Variants in DCLK1 observed in about 807,000 individuals in gnomAD.
The protein encoded by DCLK1 is serine/threonine-protein kinase DCLK1.
DCLK1 carries 16 observed loss-of-function variants against 86.2 expected under a neutral mutation model. The observed-to-expected ratio is 0.19, with a 90% CI of 0.13 to 0.28. DCLK1 has a LOEUF of 0.28. Ranked by LOEUF, DCLK1 falls within the 10% of genes least tolerant of loss-of-function variation. DCLK1 has a pLI of 1.00. For synonymous variants in DCLK1, 369 were observed against 370.5 expected (o/e 1.00, Z 0.05); for missense variants, 590 against 940.2 (o/e 0.63, Z 4.87).
At chr13:36,022,679 G>A (rs529100292) in intron 3 of DCLK1, among the ~76,000 whole-genome samples, 10 of 152,128 alleles carry the variant, frequency 6.6e-5, no homozygotes, top group Admixed American at 3.3e-4. Context: ...CGAAATGCCC[G>A]AATTCCTAAA....
At chr13:35,994,130 A>G (rs1880372827) in intron 3 of DCLK1, among the ~76,000 whole-genome samples, 1 of 151,472 alleles carries the variant, frequency 6.6e-6, no homozygotes, top group South Asian at 2.1e-4. Context: ...AAAATCTAAC[A>G]TTTAGCAGGA....
chr13:36,036,386 C>G (rs1882495420), intron 3 of DCLK1, among the ~76,000 whole-genome samples: 2 of 152,330 alleles, frequency 1.3e-5, no homozygotes, highest in South Asian at 4.1e-4. Flanking sequence ...ACCTCGAATT[C>G]TTTCCTGGGC....
At chr13:35,942,667 G>A (rs547372406) in intron 4 of DCLK1, among the ~76,000 whole-genome samples, 1 of 152,344 alleles carries the variant, frequency 6.6e-6, no homozygotes, top group South Asian at 2.1e-4. Flanking sequence ...CTTTTGGACA[G>A]AGAAGATAAA....
chr13:35,998,896 G>C (rs1880589842), intron 3 of DCLK1, among the ~76,000 whole-genome samples: 1 of 152,082 alleles, frequency 6.6e-6, no homozygotes, highest in Admixed American at 6.6e-5. Context: ...CAAAATATAT[G>C]AGAATAAGAT....
chr13:35,875,598 G>C (rs947717642), intron 4 of DCLK1, among the ~76,000 whole-genome samples: 1 of 152,160 alleles, frequency 6.6e-6, no homozygotes, highest in Non-Finnish European at 1.5e-5. Context: ...TTAAGTTTTT[G>C]AAATATTGGA....
chr13:36,029,664 T>G (rs1882190014), intron 3 of DCLK1, among the ~76,000 whole-genome samples: 1 of 151,612 alleles, frequency 6.6e-6, no homozygotes, highest in Non-Finnish European at 1.5e-5. Context: ...CTCAAGAGAG[T>G]CCGATGGACT....
chr13:36,093,700 C>T (rs1173487173), intron 3 of DCLK1, among the ~76,000 whole-genome samples: 1 of 151,878 alleles, frequency 6.6e-6, no homozygotes, highest in Non-Finnish European at 1.5e-5. Flanking sequence ...CTTCACAGAA[C>T]TATTTAGCCT....
intron 3 of DCLK1, among the ~76,000 whole-genome samples, chr13:36,094,576 TA>T (rs1439424811): frequency 6.6e-6 from 1 of 152,204 alleles, no homozygotes; most frequent in African/African-American, 2.4e-5. Context: ...AATTCCTTTT[TA>T]AGGAAAAAGT....
intron 3 of DCLK1, among the ~76,000 whole-genome samples, chr13:35,978,611 A>G (rs1299101528): frequency 2.0e-5 from 3 of 152,304 alleles, no homozygotes; most frequent in East Asian, 3.9e-4. Context: ...AAAACTCAGA[A>G]ATCATACACA....
chr13:35,774,721 A>G (rs766698372), intron 16 of DCLK1, 22 bp from the exon 17 acceptor site: 1 of 1,606,556 alleles, frequency 6.2e-7, no homozygotes, highest in East Asian at 2.2e-5. Context: ...ATAAAATGAG[A>G]AAGAGGACAA....
intron 6 of DCLK1, chr13:35,850,838 C>T (rs1251614485): frequency 4.8e-6 from 7 of 1,465,828 alleles, no homozygotes; most frequent in African/African-American, 4.3e-5. Context: ...CTGTGGCTCT[C>T]GTGAGAGCAG....
chr13:35,887,878 CAAAAAAAAAAAAAAA>C (rs760195385), intron 4 of DCLK1, among the ~76,000 whole-genome samples: 20 of 38,742 alleles, frequency 5.2e-4, no homozygotes, highest in South Asian at 4.0e-3. Context: ...GATCTTGTCT[CAAAAAAAAAAAAAAA>C]AAAAAAAAAA....
intron 5 of DCLK1, among the ~76,000 whole-genome samples, chr13:35,856,176 TG>T (rs1376637588): frequency 3.3e-5 from 5 of 152,222 alleles, no homozygotes; most frequent in Non-Finnish European, 1.5e-5. Flanking sequence ...TATGAATTTT[TG>T]TTTGTTTGTT....
At chr13:36,042,931 A>T (rs562875716) in intron 3 of DCLK1, among the ~76,000 whole-genome samples, 121 of 152,358 alleles carry the variant, frequency 7.9e-4, no homozygotes, top group African/African-American at 2.8e-3. Flanking sequence ...ATTGAGAATT[A>T]TTCACTTTCT....
intron 3 of DCLK1, among the ~76,000 whole-genome samples, chr13:35,982,437 AGGGAGGGAGG>A (rs1566631755): frequency 1.5e-3 from 37 of 24,662 alleles, no homozygotes; most frequent in East Asian, 5.0e-3. Context: ...AGAGAGGGGG[AGGGAGGGAGG>A]GAGGGAGGGA....
At chr13:35,840,933 A>T (rs1200753102) in intron 6 of DCLK1, among the ~76,000 whole-genome samples, 3 of 152,186 alleles carry the variant, frequency 2.0e-5, no homozygotes, top group African/African-American at 7.2e-5. Context: ...AAACATAACC[A>T]CATTTGAGGG....
chr13:36,011,547 T>A (rs1394812476), intron 3 of DCLK1, among the ~76,000 whole-genome samples: 1 of 146,704 alleles, frequency 6.8e-6, no homozygotes, highest in African/African-American at 2.6e-5. Context: ...TTGAGTGAGA[T>A]TCTTAATCCT....
intron 3 of DCLK1, among the ~76,000 whole-genome samples, chr13:36,021,139 G>A (rs1250682938): frequency 1.3e-5 from 2 of 151,818 alleles, no homozygotes; most frequent in South Asian, 2.1e-4. Flanking sequence ...GAGCTATATT[G>A]GAGCAAAGTC....
chr13:35,791,402 CGT>C (rs1292315156), intron 16 of DCLK1, among the ~76,000 whole-genome samples: 1 of 151,686 alleles, frequency 6.6e-6, no homozygotes, highest in Non-Finnish European at 1.5e-5. Context: ...CCATGGAAAC[CGT>C]GTTAGTGATG....
Sources: gnomAD v4.1 joint callset for allele counts (sites outside exome capture counted in the v4.1 genomes callset) on GRCh38, gnomAD v4.1.1 for gene constraint, MANE v1.5 for transcripts, NCBI Gene and HGNC (gene_info 2026-07-23, HGNC 2026-07-21) for gene names.